Variants in IRAG1 observed in about 807,000 individuals in gnomAD.
IRAG1 encodes the protein IP3R-associated cGMP kinase substrate.
IRAG1 carries 62 observed loss-of-function variants against 106.2 expected under a neutral mutation model. The ratio of observed to expected loss-of-function variants is 0.58; its 90% CI spans 0.48 to 0.72. IRAG1 has a LOEUF of 0.72. Among genes scored for constraint, IRAG1 ranks in the 30% least tolerant of loss-of-function variants. The pLI is 0.00. For synonymous variants in IRAG1, 462 were observed against 443.9 expected (o/e 1.04, Z -0.51); for missense variants, 1,064 against 1,140.7 (o/e 0.93, Z 0.97).
intron 2 of IRAG1, among the ~76,000 whole-genome samples, chr11:10,643,859 A>T (rs936688804): frequency 6.6e-6 from 1 of 152,192 alleles, no homozygotes; most frequent in Non-Finnish European, 1.5e-5. Flanking sequence ...TGATGTGTGG[A>T]GACAGAAAAA....
intron 1 of IRAG1, among the ~76,000 whole-genome samples, chr11:10,681,385 T>TA (rs996229151): frequency 3.3e-5 from 5 of 152,198 alleles, no homozygotes; most frequent in African/African-American, 1.2e-4. Flanking sequence ...ATGTTTTTTT[T>TA]AAAAATACAA....
At position 10,626,571 on chromosome 11, in the gene IRAG1, C is replaced by T. The variant is rs533713493; in HGVS notation, c.763G>A (p.Gly255Arg). ...PHPGEPNVPK[G>R]LADRKQNDQR... Reference sequence around the variant, plus strand: ...TCATTCTGCTTCCTGTCAGCTAGCCCTTTGGGGACGTTCTGAAAAAGACAA... The same window carrying T: ...TCATTCTGCTTCCTGTCAGCTAGCCTTTTGGGGACGTTCTGAAAAAGACAA... Residue 255 changes from glycine (G) to arginine (R), a missense_variant, in exon 9 of 21, where the codon GGG becomes AGG. Transcript: ENST00000423302. The T allele has an allele frequency of 6.2e-7, 1 of 1,603,356 alleles. No individual in the cohort carries two copies. Among genetic ancestry groups the T allele is most frequent in the South Asian group, 1.1e-5 (1 of 90,082 alleles).
At chr11:10,673,808 G>A (rs1388575665) in intron 1 of IRAG1, among the ~76,000 whole-genome samples, 2 of 152,034 alleles carry the variant, frequency 1.3e-5, no homozygotes, top group Non-Finnish European at 1.5e-5. Context: ...GATTTATAAC[G>A]TGCCTTCCAT....
chr11:10,632,375 G>A (rs928317196), intron 3 of IRAG1, among the ~76,000 whole-genome samples: 2 of 151,934 alleles, frequency 1.3e-5, no homozygotes, highest in Non-Finnish European at 2.9e-5. Context: ...TAGTGGAGAT[G>A]GGGTTTCACC....
Position 10,667,378 on chromosome 11 carries a change from G to A in IRAG1, c.68-15196C>T, listed in dbSNP as rs555609840. 2.0e-4 allele frequency among the ~76,000 whole-genome samples: 30 copies of A among 152,290 alleles called. No homozygotes were observed. The South Asian group carries it at 5.8e-3, about 29-fold the overall frequency. On this transcript the variant is annotated intron_variant, in intron 1 of 20. Coordinates refer to ENST00000423302, the MANE Select transcript of IRAG1 (RefSeq NM_130385.4). Reference sequence around the variant, plus strand: ...CTGGCAGGCTTTGTGGTTGGGACTGGTTGGGAGCAGCAGCTCTGCTCTGCT... The same window carrying A: ...CTGGCAGGCTTTGTGGTTGGGACTGATTGGGAGCAGCAGCTCTGCTCTGCT...
At chr11:10,690,865 T>C (rs1862002645) in intron 1 of IRAG1, among the ~76,000 whole-genome samples, 1 of 152,186 alleles carries the variant, frequency 6.6e-6, no homozygotes, top group South Asian at 2.1e-4. Flanking sequence ...CCTTTTACAT[T>C]CACTACCTGA....
chr11:10,671,301 T>A lies in IRAG1; in HGVS notation c.68-19119A>T, dbSNP rs112015495. Among the ~76,000 whole-genome samples the A allele has an allele frequency of 7.7e-4, 118 of 152,384 alleles. 1 individual carries two copies. The highest frequency in any genetic ancestry group is 2.6e-3 in the African/African-American group (110 of 41,598). Reference sequence around the variant, plus strand: ...GAGCTCAGCAAGGCTGCAGGATATATGATTGATATAGTACAATCAATTATA... The same window carrying A: ...GAGCTCAGCAAGGCTGCAGGATATAAGATTGATATAGTACAATCAATTATA... On this transcript the variant is annotated intron_variant, in intron 1 of 20. Transcript: ENST00000423302.
chr11:10,589,709 C>T (rs1017970123), intron 18 of IRAG1, among the ~76,000 whole-genome samples: 8 of 152,172 alleles, frequency 5.3e-5, no homozygotes, highest in Non-Finnish European at 1.0e-4. Flanking sequence ...TCCCAACTGG[C>T]GAGTCAGCCC....
chr11:10,622,825 A>C lies in IRAG1; in HGVS notation c.1447+953T>G, dbSNP rs577812843. ...CTCATACAATTTCATTCGTTCATTC[A>C]ACAAATACCTATGCAGGCCCTAGTA... On this transcript the variant is annotated intron_variant, in intron 10 of 20. Transcript: ENST00000423302. Among the ~76,000 whole-genome samples the C allele has an allele frequency of 3.0e-4, 45 of 148,608 alleles. No individual in the cohort carries two copies. In the South Asian group the frequency reaches 8.3e-3, roughly 28 times the overall value.
intron 1 of IRAG1, among the ~76,000 whole-genome samples, chr11:10,691,922 G>C (rs1862087904): frequency 6.6e-6 from 1 of 152,128 alleles, no homozygotes; most frequent in Admixed American, 6.5e-5. Context: ...ACAAGACCAG[G>C]GTGGAAAGAA....
intron 1 of IRAG1, among the ~76,000 whole-genome samples, chr11:10,655,532 A>C (rs537409073): frequency 6.6e-6 from 1 of 152,300 alleles, no homozygotes; most frequent in African/African-American, 2.4e-5. Flanking sequence ...AAGATGAAAC[A>C]GGCTGTTCTT....
At chr11:10,672,581 C>T (rs888604022) in intron 1 of IRAG1, among the ~76,000 whole-genome samples, 4 of 152,164 alleles carry the variant, frequency 2.6e-5, no homozygotes, top group East Asian at 1.9e-4. Flanking sequence ...AGATGTTCAA[C>T]GTCATCAACT....
chr11:10,633,844 G>T, intron 3 of IRAG1, 124 bp downstream of exon 3: 1 of 533,448 alleles, frequency 1.9e-6, no homozygotes, highest in Non-Finnish European at 3.2e-6. Flanking sequence ...AAAACTGCTT[G>T]ATTATAGTTT....
intron 15 of IRAG1, among the ~76,000 whole-genome samples, chr11:10,594,939 T>C (rs1853117335): frequency 6.6e-6 from 1 of 152,160 alleles, no homozygotes; most frequent in African/African-American, 2.4e-5. Flanking sequence ...AATTTTTTTT[T>C]CTTTTGAGAC....
At chr11:10,611,958 A>C (rs1854998885) in intron 10 of IRAG1, among the ~76,000 whole-genome samples, 1 of 150,780 alleles carries the variant, frequency 6.6e-6, no homozygotes, top group Non-Finnish European at 1.5e-5. Context: ...TGAGAAGAAG[A>C]GAGGAAAGGC....
At chr11:10,633,275 C>T (rs1856870247) in intron 3 of IRAG1, among the ~76,000 whole-genome samples, 1 of 152,130 alleles carries the variant, frequency 6.6e-6, no homozygotes, top group Non-Finnish European at 1.5e-5. Flanking sequence ...CGTGGTTTCA[C>T]TGTGTTAGCC....
At chr11:10,593,222 T>C (rs553031423) in intron 17 of IRAG1, 15 of 254,958 alleles carry the variant, frequency 5.9e-5, no homozygotes, top group African/African-American at 2.9e-4. Context: ...CCTTGGCAGA[T>C]TGTGGTGTAA....
intron 1 of IRAG1, among the ~76,000 whole-genome samples, chr11:10,692,135 C>T (rs1348845817): frequency 1.3e-5 from 2 of 152,088 alleles, no homozygotes; most frequent in Non-Finnish European, 2.9e-5. Context: ...TCCCTTACCT[C>T]CAAGCATAAA....
At chr11:10,664,934 T>G (rs1203438230) in intron 1 of IRAG1, among the ~76,000 whole-genome samples, 1 of 152,228 alleles carries the variant, frequency 6.6e-6, no homozygotes, top group Non-Finnish European at 1.5e-5. Flanking sequence ...GATCAAGCCA[T>G]GCCTGATATC....
Sources: gnomAD v4.1 joint callset for allele counts (sites outside exome capture counted in the v4.1 genomes callset) on GRCh38, gnomAD v4.1.1 for gene constraint, MANE v1.5 for transcripts, NCBI Gene and HGNC (gene_info 2026-07-23, HGNC 2026-07-21) for gene names.